KIAA0319L: variants seen among roughly 807,000 people sequenced by gnomAD.
KIAA0319L encodes the protein KIAA0319 like.
In KIAA0319L, 55 loss-of-function variants were observed where a neutral mutation model predicts 120.1. The ratio of observed to expected loss-of-function variants is 0.46; its 90% CI spans 0.37 to 0.57. KIAA0319L has a LOEUF of 0.57. Among genes scored for constraint, KIAA0319L ranks in the 20% least tolerant of loss-of-function variants. KIAA0319L has a pLI of 0.00. For synonymous variants in KIAA0319L, 398 were observed against 471.9 expected, an observed-to-expected ratio of 0.84 and a Z score of 2.03; for missense variants, 1,049 against 1,255.3, an observed-to-expected ratio of 0.84 and a Z score of 2.48.
intron 2 of KIAA0319L, among the ~76,000 whole-genome samples, chr1:35,550,923 A>G (rs1023658735): frequency 6.6e-6 from 1 of 152,194 alleles, no homozygotes; most frequent in African/African-American, 2.4e-5. Context: ...TGGAGATGCA[A>G]AGATTTCACC....
chr1:35,442,236 T>A lies in KIAA0319L; in HGVS notation c.2870+10A>T. 6.2e-7 allele frequency: 1 copy of A among 1,600,068 alleles called. No homozygotes were observed. The highest frequency in any genetic ancestry group is 8.6e-7 in the Non-Finnish European group (1 of 1,167,286). On this transcript the variant is annotated intron_variant, in intron 19 of 20. Coordinates refer to ENST00000325722, the MANE Select transcript of KIAA0319L (RefSeq NM_024874.5). ...AGCCCGAATGAATTTCAAAGGAAAA[T>A]CCATCTTACCTCTTACAACAACAGA...
Position 35,456,148 on chromosome 1 carries a change from T to A in KIAA0319L, c.1521A>T (p.Ala507=). Reference sequence around the variant, plus strand: ...GCAGGGTGATCACTTGGTTGGGGCCTGCGTTGGCCACAGGGGGGTAATCCA... The same window carrying A: ...GCAGGGTGATCACTTGGTTGGGGCCAGCGTTGGCCACAGGGGGGTAATCCA... ...KAVDYPPVAN[A]GPNQVITLPQ... The change falls in exon 10 of 21, where the codon GCA becomes GCT. Residue 507 remains alanine, a synonymous_variant. Transcript: ENST00000325722. 1 of 1,613,942 alleles carries A rather than the reference T, an allele frequency of 6.2e-7. No homozygotes were observed. The highest frequency in any genetic ancestry group is 8.5e-7 in the Non-Finnish European group (1 of 1,179,906).
intron 3 of KIAA0319L, among the ~76,000 whole-genome samples, chr1:35,485,769 C>A (rs1400282323): frequency 1.3e-5 from 2 of 152,176 alleles, no homozygotes; most frequent in Non-Finnish European, 2.9e-5. Context: ...AAGTCTACCC[C>A]CTCTGGCAGA....
intron 6 of KIAA0319L, 30 bp from the exon 7 acceptor site, chr1:35,466,725 A>C (rs771364218): frequency 3.6e-6 from 5 of 1,394,180 alleles, no homozygotes; most frequent in Non-Finnish European, 3.1e-6. Flanking sequence ...TCTCTTAGAC[A>C]ATCACAAAGA....
At chr1:35,478,131 G>A (rs1392688266) in intron 4 of KIAA0319L, among the ~76,000 whole-genome samples, 7 of 152,166 alleles carry the variant, frequency 4.6e-5, no homozygotes, top group Admixed American at 3.3e-4. Flanking sequence ...CATTATGTTA[G>A]GTGAATAAGC....
intron 2 of KIAA0319L, among the ~76,000 whole-genome samples, chr1:35,515,043 T>C (rs919029486): frequency 6.6e-6 from 1 of 152,186 alleles, no homozygotes; most frequent in African/African-American, 2.4e-5. Flanking sequence ...CCGGGTGCGG[T>C]GGCTCACACC....
chr1:35,464,275 C>T (rs959165598), intron 7 of KIAA0319L, among the ~76,000 whole-genome samples: 23 of 152,078 alleles, frequency 1.5e-4, no homozygotes, highest in Admixed American at 1.4e-3. Context: ...TGGCTTTGCC[C>T]AAAATGCTAA....
chr1:35,484,278 A>AT (rs1198590506), intron 3 of KIAA0319L, among the ~76,000 whole-genome samples: 1 of 152,122 alleles, frequency 6.6e-6, no homozygotes, highest in African/African-American at 2.4e-5. Context: ...GGTGTTACAC[A>AT]TTTTTTAAAA....
chr1:35,507,439 CA>C (rs1241505707), intron 2 of KIAA0319L, among the ~76,000 whole-genome samples: 1 of 151,818 alleles, frequency 6.6e-6, no homozygotes, highest in Non-Finnish European at 1.5e-5. Flanking sequence ...AAAACAAAAA[CA>C]AAAAAAGAGG....
At chr1:35,503,763 G>A (rs546998794) in intron 3 of KIAA0319L, among the ~76,000 whole-genome samples, 5 of 152,128 alleles carry the variant, frequency 3.3e-5, no homozygotes, top group African/African-American at 4.8e-5. Flanking sequence ...TGCCTCTGCC[G>A]CCTGAGACAG....
Position 35,477,495 on chromosome 1 carries a change from A to G in KIAA0319L, c.913+1471T>C, listed in dbSNP as rs773369090. Among the ~76,000 whole-genome samples, 143 of 152,018 alleles carry G rather than the reference A, an allele frequency of 9.4e-4. 1 individual carries two copies. In the Middle Eastern group the frequency reaches 0.01, roughly 11 times the overall value. On this transcript the variant is annotated intron_variant, in intron 4 of 20. Coordinates refer to ENST00000325722, the MANE Select transcript of KIAA0319L (RefSeq NM_024874.5). ...ATCCTGGCTAACACGGTGAAACCGCATCTCTACTAAAAATACAAAAAATTA... is the reference window on the plus strand; with the variant it reads ...ATCCTGGCTAACACGGTGAAACCGCGTCTCTACTAAAAATACAAAAAATTA...
Position 35,479,193 on chromosome 1 carries a change from A to C in KIAA0319L, c.686T>G (p.Ile229Ser), listed in dbSNP as rs1644039292. 1.9e-6 allele frequency: 3 copies of C among 1,613,570 alleles called. No homozygotes were observed. Among genetic ancestry groups the C allele is most frequent in the Non-Finnish European group, 2.5e-6 (3 of 1,179,616 alleles). ...GSAEVHKAIT[I>S]SSPLTTDLTA... Reference sequence around the variant, plus strand: ...CAGGTCTGTGGTTAGGGGACTGGAAATTGTAATCGCCTTGTGGACCTAAAG... The same window carrying C: ...CAGGTCTGTGGTTAGGGGACTGGAACTTGTAATCGCCTTGTGGACCTAAAG... The change falls in exon 4 of 21, where the codon ATT (isoleucine) becomes AGT (serine). Residue 229 changes from isoleucine (I) to serine (S), a missense_variant. By Grantham distance (142) the Ile-to-Ser change is moderately radical. Coordinates refer to ENST00000325722, the MANE Select transcript of KIAA0319L (RefSeq NM_024874.5).
At chr1:35,485,972 C>T (rs1052579692) in intron 3 of KIAA0319L, among the ~76,000 whole-genome samples, 10 of 152,150 alleles carry the variant, frequency 6.6e-5, no homozygotes, top group Admixed American at 2.0e-4. Context: ...TGTTCAGCCA[C>T]ACACTGGTAA....
At chr1:35,456,607 T>C (rs1043861679) in intron 9 of KIAA0319L, among the ~76,000 whole-genome samples, 1 of 151,746 alleles carries the variant, frequency 6.6e-6, no homozygotes, top group African/African-American at 2.4e-5. Flanking sequence ...AGGTTGGAAG[T>C]TTGAGACCAG....
At position 35,506,834 on chromosome 1, in the gene KIAA0319L, T is replaced by C. The variant is rs1645224908; in HGVS notation, c.444A>G (p.Val148=). 1.2e-5 allele frequency: 19 copies of C among 1,614,206 alleles called. No individual in the cohort carries two copies. The highest frequency in any genetic ancestry group is 1.5e-5 in the Non-Finnish European group (18 of 1,180,008). The change falls in exon 3 of 21, where the codon GTA becomes GTG. Residue 148 remains valine (V), a synonymous_variant. Coordinates refer to ENST00000325722, the MANE Select transcript of KIAA0319L (RefSeq NM_024874.5). This position sits in a 1 kb window ranked among gnomAD's most constrained non-coding sequence, Gnocchi z 4.0. ...DDLGFLPEDD[V]PHLLGLGWNW... Reference sequence around the variant, plus strand: ...TCCAACCTAGCCCCAGAAGATGTGGTACATCATCTTCAGGTAGAAAGCCCA... The same window carrying C: ...TCCAACCTAGCCCCAGAAGATGTGGCACATCATCTTCAGGTAGAAAGCCCA...
chr1:35,464,474 T>G (rs759766667), intron 7 of KIAA0319L, among the ~76,000 whole-genome samples: 10 of 152,206 alleles, frequency 6.6e-5, no homozygotes, highest in Non-Finnish European at 8.8e-5. Context: ...AAGAAATTTC[T>G]AAAGAGCAAA....
intron 3 of KIAA0319L, among the ~76,000 whole-genome samples, chr1:35,495,492 A>C (rs912831299): frequency 6.6e-6 from 1 of 152,230 alleles, no homozygotes; most frequent in Non-Finnish European, 1.5e-5. Context: ...CATCAAAATT[A>C]ATATCTGCTC....
At chr1:35,460,242 T>C (rs1357102249) in intron 9 of KIAA0319L, 63 bp downstream of exon 9, 2 of 1,369,104 alleles carry the variant, frequency 1.5e-6, no homozygotes, top group Non-Finnish European at 2.0e-6. Context: ...CATATAACAA[T>C]GTAAAACCCA....
At chr1:35,470,463 G>A (rs1319335794) in intron 6 of KIAA0319L, among the ~76,000 whole-genome samples, 2 of 143,940 alleles carry the variant, frequency 1.4e-5, no homozygotes, top group Non-Finnish European at 3.0e-5. Context: ...ACTGCACTTC[G>A]GCCTAGGTGA....
Sources: allele counts gnomAD v4.1 joint callset (sites outside exome capture counted in the v4.1 genomes callset), GRCh38; gene constraint gnomAD v4.1.1; non-coding constraint Gnocchi (gnomAD v3.1); transcripts MANE v1.5; gene names NCBI Gene and HGNC (gene_info 2026-07-23, HGNC 2026-07-21).